The following STARD13 variants were observed in gnomAD, a reference collection of about 807,000 sequenced individuals.
The protein encoded by STARD13 is StAR related lipid transfer domain containing 13.
STARD13 carries 62 observed loss-of-function variants against 106.4 expected under a neutral mutation model. The observed-to-expected ratio is 0.58, with a 90% CI of 0.48 to 0.72. The LOEUF (loss-of-function observed/expected upper bound fraction) is 0.72. Among genes scored for constraint, STARD13 ranks in the 30% least tolerant of loss-of-function variants. The pLI is 0.00. For missense variants in STARD13, 1,387 were observed against 1,424.0 expected (o/e 0.97, Z 0.42); for synonymous variants, 565 against 553.0 (o/e 1.02, Z -0.31).
intron 1 of STARD13, among the ~76,000 whole-genome samples, chr13:33,255,005 G>T (rs1054320950): frequency 6.6e-6 from 1 of 152,132 alleles, no homozygotes; most frequent in African/African-American, 2.4e-5. Flanking sequence ...CCACTGAGCT[G>T]GATAACACTC....
intron 1 of STARD13, among the ~76,000 whole-genome samples, chr13:33,213,491 A>G (rs565343914): frequency 6.6e-6 from 1 of 152,346 alleles, no homozygotes; most frequent in South Asian, 2.1e-4. Context: ...TACAAGTCTG[A>G]TGTTCCAGAG....
chr13:33,609,351 A>G, the STARD13 span, among the ~76,000 whole-genome samples: 1 of 151,984 alleles, frequency 6.6e-6, no homozygotes, highest in African/African-American at 2.4e-5. Flanking sequence ...CAACTTCACT[A>G]GTTCTCACGG....
the STARD13 span, among the ~76,000 whole-genome samples, chr13:33,488,825 G>A: frequency 6.6e-6 from 1 of 152,154 alleles, no homozygotes; most frequent in Admixed American, 6.5e-5. Flanking sequence ...TCTTTATGCT[G>A]TGATCATATA....
the STARD13 span, among the ~76,000 whole-genome samples, chr13:33,614,243 A>G: frequency 7.3e-6 from 1 of 137,844 alleles, no homozygotes; most frequent in Non-Finnish European, 1.6e-5. Flanking sequence ...CTGCCTAAAT[A>G]GACCGTATCT....
At chr13:33,418,022 A>G in the STARD13 span, among the ~76,000 whole-genome samples, 2 of 152,318 alleles carry the variant, frequency 1.3e-5, no homozygotes, top group African/African-American at 2.4e-5. Context: ...AGTGTAATCA[A>G]TGGAGAAGAC....
At chr13:33,502,510 T>C in the STARD13 span, among the ~76,000 whole-genome samples, 1 of 152,230 alleles carries the variant, frequency 6.6e-6, no homozygotes, top group Non-Finnish European at 1.5e-5. Context: ...AGTATGATAT[T>C]GGCTGTGGAT....
chr13:33,465,420 T>C, the STARD13 span, among the ~76,000 whole-genome samples: 4 of 152,170 alleles, frequency 2.6e-5, no homozygotes, highest in African/African-American at 4.8e-5. Context: ...TTAGCCAGGA[T>C]GGTCTTGATC....
the STARD13 span, among the ~76,000 whole-genome samples, chr13:33,557,405 T>C: frequency 7.2e-5 from 11 of 152,314 alleles, no homozygotes; most frequent in African/African-American, 2.6e-4. Context: ...TCCTCTTGAA[T>C]TTTCATGTTA....
At chr13:33,328,065 A>G (rs1012045577) in intron 1 of STARD13, among the ~76,000 whole-genome samples, 3 of 152,264 alleles carry the variant, frequency 2.0e-5, no homozygotes, top group African/African-American at 7.2e-5. Context: ...AAAACATCAT[A>G]TGACATTTGT....
intron 1 of STARD13, among the ~76,000 whole-genome samples, chr13:33,274,576 G>A (rs545634286): frequency 1.2e-4 from 18 of 152,212 alleles, no homozygotes; most frequent in Admixed American, 5.2e-4. Context: ...TTTCCATGAC[G>A]AATGTAGCAC....
chr13:33,376,284 G>A, the STARD13 span, among the ~76,000 whole-genome samples: 1 of 152,146 alleles, frequency 6.6e-6, no homozygotes, highest in South Asian at 2.1e-4. Flanking sequence ...GCCAGGTACT[G>A]TTCTAAAGTG....
chr13:33,181,260 T>TCACA (rs1371779435), intron 1 of STARD13, among the ~76,000 whole-genome samples: 1 of 112,154 alleles, frequency 8.9e-6, no homozygotes, highest in Non-Finnish European at 1.8e-5. Context: ...TGTCTTTCAC[T>TCACA]CACACATACA....
At chr13:33,587,879 A>G in the STARD13 span, among the ~76,000 whole-genome samples, 149 of 152,356 alleles carry the variant, frequency 9.8e-4, no homozygotes, top group Middle Eastern at 0.01. Context: ...AAAATCTCAC[A>G]ATTTTTATAT....
chr13:33,589,680 C>T, the STARD13 span, among the ~76,000 whole-genome samples: 1 of 152,148 alleles, frequency 6.6e-6, no homozygotes, highest in Non-Finnish European at 1.5e-5. Context: ...GTTATAATTT[C>T]TGTTCTTTTA....
At chr13:33,142,460 G>C (rs1879963120) in intron 3 of STARD13, 87 bp from the exon 4 acceptor site, 4 of 1,231,048 alleles carry the variant, frequency 3.2e-6, no homozygotes, top group African/African-American at 1.5e-5. Context: ...TTCCAGTAAA[G>C]TTGAAACTGC....
At chr13:33,441,057 G>A in the STARD13 span, among the ~76,000 whole-genome samples, 1 of 151,730 alleles carries the variant, frequency 6.6e-6, no homozygotes, top group Non-Finnish European at 1.5e-5. Flanking sequence ...CAGATCCCCT[G>A]TCTATGTTCC....
At chr13:33,499,664 C>T in the STARD13 span, among the ~76,000 whole-genome samples, 1 of 144,330 alleles carries the variant, frequency 6.9e-6, no homozygotes, top group African/African-American at 2.6e-5. Flanking sequence ...TCTTCTTCTT[C>T]CTCGTCCTCT....
At chr13:33,476,118 T>C in the STARD13 span, among the ~76,000 whole-genome samples, 1 of 152,202 alleles carries the variant, frequency 6.6e-6, no homozygotes, top group Non-Finnish European at 1.5e-5. Context: ...AAAGTTTTAA[T>C]ATTCAGCAAC....
At chr13:33,193,524 T>A (rs1240809862) in intron 1 of STARD13, among the ~76,000 whole-genome samples, 1 of 152,200 alleles carries the variant, frequency 6.6e-6, no homozygotes, top group Non-Finnish European at 1.5e-5. Flanking sequence ...CAGGTAGACA[T>A]TACTGTTGCC....
Sources: gnomAD v4.1 joint callset for allele counts (sites outside exome capture counted in the v4.1 genomes callset) on GRCh38, gnomAD v4.1.1 for gene constraint, MANE v1.5 for transcripts, NCBI Gene and HGNC (gene_info 2026-07-23, HGNC 2026-07-21) for gene names.